The following GRAP2 variants were observed in gnomAD, a reference collection of about 807,000 sequenced individuals.
GRAP2 encodes the protein GRB2-related adapter protein 2.
A neutral mutation model predicts 43.5 loss-of-function variants in GRAP2; 31 were observed. The ratio of observed to expected loss-of-function variants is 0.71; its 90% CI spans 0.54 to 0.96. The LOEUF is 0.96. GRAP2 is among the 40% of genes least tolerant of loss of function. The pLI is 0.00. For synonymous variants in GRAP2, 156 were observed against 164.8 expected, an observed-to-expected ratio of 0.95 and a Z score of 0.41; for missense variants, 371 against 424.4, an observed-to-expected ratio of 0.87 and a Z score of 1.11.
chr22:39,967,988 G>T, intron 5 of GRAP2, 54 bp from the exon 6 acceptor site: 1 of 1,576,464 alleles, frequency 6.3e-7, no homozygotes, highest in East Asian at 2.3e-5. Context: ...GTAGGGTAGG[G>T]CCAGACGATC....
chr22:39,945,911 A>T (rs1368326237), intron 1 of GRAP2, among the ~76,000 whole-genome samples: 4 of 152,112 alleles, frequency 2.6e-5, no homozygotes, highest in African/African-American at 9.7e-5. Context: ...CCCAGGCTGG[A>T]GTACAGTGGC....
chr22:39,968,391 C>G (rs916618674), intron 6 of GRAP2, 119 bp downstream of exon 6: 2 of 1,116,152 alleles, frequency 1.8e-6, no homozygotes, highest in African/African-American at 1.6e-5. Context: ...TGGACCCCCC[C>G]AAATGGCAGA....
intron 1 of GRAP2, chr22:39,926,807 C>G (rs1322145855): frequency 2.0e-6 from 2 of 984,562 alleles, no homozygotes; most frequent in South Asian, 4.7e-5. Context: ...ATTCTGGAAC[C>G]CTGATCACTG....
chr22:39,906,184 G>C (rs769147669), intron 1 of GRAP2, among the ~76,000 whole-genome samples: 1 of 152,086 alleles, frequency 6.6e-6, no homozygotes, highest in Non-Finnish European at 1.5e-5. Flanking sequence ...TAATCAGGAG[G>C]GAGAAATTTC....
intron 1 of GRAP2, among the ~76,000 whole-genome samples, chr22:39,945,516 C>T (rs1035368757): frequency 6.6e-6 from 1 of 152,102 alleles, no homozygotes; most frequent in African/African-American, 2.4e-5. Flanking sequence ...CAAATGTGGT[C>T]CCAGTTGACT....
At chr22:39,941,218 T>C (rs1983969220) in intron 1 of GRAP2, among the ~76,000 whole-genome samples, 1 of 152,218 alleles carries the variant, frequency 6.6e-6, no homozygotes, top group Admixed American at 6.5e-5. Context: ...CTAGGCATTG[T>C]AGAGAATCTA....
intron 1 of GRAP2, among the ~76,000 whole-genome samples, chr22:39,931,485 G>A (rs2066754715): frequency 6.6e-6 from 1 of 152,060 alleles, no homozygotes; most frequent in African/African-American, 2.4e-5. Context: ...GAAAGGATGG[G>A]GTATTATAAG....
chr22:39,936,731 C>G (rs2066810708), intron 1 of GRAP2, among the ~76,000 whole-genome samples: 1 of 151,934 alleles, frequency 6.6e-6, no homozygotes. Context: ...GGGGGACCGG[C>G]AGAAGAAAAG....
At chr22:39,930,624 C>G (rs1431471216) in intron 1 of GRAP2, among the ~76,000 whole-genome samples, 1 of 152,244 alleles carries the variant, frequency 6.6e-6, no homozygotes, top group Non-Finnish European at 1.5e-5. Context: ...ACCCTGCCCT[C>G]CATTCCTTCA....
rs2067254698 is a variant in GRAP2, at chr22:39,972,378, CAT to C, written c.*1295_*1296del. 1 of 152,426 alleles carries C rather than the reference CAT, an allele frequency of 6.6e-6. No homozygotes were observed. The highest frequency in any genetic ancestry group is 3.4e-3 in the Middle Eastern group (1 of 294). The allele number at this position is 152,426 out of a possible 1,614,324, so 9.4% of individuals were successfully genotyped here. A position where few individuals can be genotyped will look rare whatever the true frequency, so the allele number is the denominator to read the frequency against. On this transcript the variant is annotated 3_prime_UTR_variant, in exon 8 of 8. Transcript: ENST00000344138. ...GGGTGTGTACCCCTGCAGGTGTGCA[CAT>C]GTGTGCTTGCACGCACATATTTGTG...
At chr22:39,950,658 A>G (rs2066972486) in intron 2 of GRAP2, among the ~76,000 whole-genome samples, 1 of 152,390 alleles carries the variant, frequency 6.6e-6, no homozygotes, top group East Asian at 1.9e-4. Flanking sequence ...TATTTCTTGA[A>G]TTGCTAAATT....
intron 1 of GRAP2, among the ~76,000 whole-genome samples, chr22:39,904,743 T>TA (rs1270524632): frequency 6.6e-6 from 1 of 152,148 alleles, no homozygotes; most frequent in Non-Finnish European, 1.5e-5. Flanking sequence ...TACCATTTTT[T>TA]AAAAAAAGAA....
chr22:39,925,882 A>G (rs1378284244), intron 1 of GRAP2, among the ~76,000 whole-genome samples: 1 of 152,082 alleles, frequency 6.6e-6, no homozygotes, highest in Admixed American at 6.5e-5. Context: ...TGCTGTCCTC[A>G]TTATCTGAAG....
At chr22:39,928,768 C>T (rs771467798) in intron 1 of GRAP2, among the ~76,000 whole-genome samples, 23 of 152,178 alleles carry the variant, frequency 1.5e-4, no homozygotes, top group Admixed American at 5.9e-4. Flanking sequence ...GGCTTGGGCA[C>T]GTTGCTGCTC....
At chr22:39,970,520 G>A (rs889502118) in intron 7 of GRAP2, among the ~76,000 whole-genome samples, 13 of 152,152 alleles carry the variant, frequency 8.5e-5, no homozygotes, top group Non-Finnish European at 1.9e-4. Context: ...AGTCTATTGG[G>A]GCTTTGGACA....
At chr22:39,945,900 A>G (rs1328717258) in intron 1 of GRAP2, among the ~76,000 whole-genome samples, 1 of 152,182 alleles carries the variant, frequency 6.6e-6, no homozygotes, top group Non-Finnish European at 1.5e-5. Flanking sequence ...TTGCTCTGTC[A>G]CCCAGGCTGG....
chr22:39,961,499 G>A (rs1272704643), intron 4 of GRAP2, among the ~76,000 whole-genome samples: 6 of 152,164 alleles, frequency 3.9e-5, no homozygotes, highest in African/African-American at 7.2e-5. Context: ...CAGCAAGACC[G>A]AAAACCACAG....
the GRAP2 span, among the ~76,000 whole-genome samples, chr22:39,895,544 A>G: frequency 6.6e-6 from 1 of 152,196 alleles, no homozygotes; most frequent in African/African-American, 2.4e-5. Flanking sequence ...AACTACAAGT[A>G]TTTTATACAT....
At chr22:39,962,837 G>A (rs565816668) in intron 4 of GRAP2, among the ~76,000 whole-genome samples, 1 of 152,088 alleles carries the variant, frequency 6.6e-6, no homozygotes, top group African/African-American at 2.4e-5. Flanking sequence ...TTGTGTGTGT[G>A]TGGTTTTTTT....
Sources: gnomAD v4.1 joint callset for allele counts (sites outside exome capture counted in the v4.1 genomes callset) on GRCh38, gnomAD v4.1.1 for gene constraint, MANE v1.5 for transcripts, NCBI Gene and HGNC (gene_info 2026-07-23, HGNC 2026-07-21) for gene names.